CACNA1E: variants seen among roughly 807,000 people sequenced by gnomAD.
The protein encoded by CACNA1E is voltage-dependent R-type calcium channel subunit alpha-1E.
CACNA1E carries 40 observed loss-of-function variants against 259.2 expected under a neutral mutation model. The observed-to-expected ratio is 0.15, with a 90% CI of 0.12 to 0.20. The LOEUF (loss-of-function observed/expected upper bound fraction) is 0.20, where lower values mean the gene tolerates loss of function less well. Ranked by LOEUF, CACNA1E falls within the 10% of genes least tolerant of loss-of-function variation. The pLI, the probability that CACNA1E is intolerant of heterozygous loss-of-function variation, is 1.00. For synonymous variants in CACNA1E, 1,104 were observed against 1,138.5 expected (o/e 0.97, Z 0.61); for missense variants, 1,874 against 3,040.1 (o/e 0.62, Z 9.02).
intron 3 of CACNA1E, among the ~76,000 whole-genome samples, chr1:181,532,142 C>T (rs1009243761): frequency 2.6e-5 from 4 of 152,300 alleles, no homozygotes; most frequent in Admixed American, 2.6e-4. Context: ...GTGTGTTTCT[C>T]CCTTCCTGTT....
chr1:181,704,116 G>C (rs917220196), intron 7 of CACNA1E, among the ~76,000 whole-genome samples: 3 of 152,040 alleles, frequency 2.0e-5, no homozygotes, highest in Non-Finnish European at 4.4e-5. Context: ...CTTCTGTTTT[G>C]GCCTTTATTG....
At chr1:181,444,562 T>C (rs1204596645) in intron 2 of CACNA1E, among the ~76,000 whole-genome samples, 7 of 152,060 alleles carry the variant, frequency 4.6e-5, no homozygotes, top group African/African-American at 1.7e-4. Flanking sequence ...TAGAGTAAGA[T>C]GGAGAATTCT....
intron 1 of CACNA1E, among the ~76,000 whole-genome samples, chr1:181,508,023 AC>A (rs1453739830): frequency 6.6e-6 from 1 of 151,764 alleles, no homozygotes; most frequent in Non-Finnish European, 1.5e-5. Flanking sequence ...TGGCAGACAG[AC>A]CCCCACTTTG....
At chr1:181,490,486 C>A (rs971950819) in intron 1 of CACNA1E, among the ~76,000 whole-genome samples, 1 of 150,824 alleles carries the variant, frequency 6.6e-6, no homozygotes, top group African/African-American at 2.4e-5. Context: ...GCTCCAGCCA[C>A]GCTCCAGCCA....
chr1:181,743,815 T>C (rs1656807709), intron 25 of CACNA1E, among the ~76,000 whole-genome samples: 1 of 152,228 alleles, frequency 6.6e-6, no homozygotes, highest in Non-Finnish European at 1.5e-5. Flanking sequence ...GGATTCTAAG[T>C]AGTCATCTCA....
At chr1:181,666,575 A>C (rs1302874464) in intron 7 of CACNA1E, among the ~76,000 whole-genome samples, 1 of 152,140 alleles carries the variant, frequency 6.6e-6, no homozygotes, top group Non-Finnish European at 1.5e-5. Flanking sequence ...TGAAAATGTA[A>C]ATGTATAAGA....
At chr1:181,498,041 T>C (rs139903694) in intron 1 of CACNA1E, among the ~76,000 whole-genome samples, 20 of 152,324 alleles carry the variant, frequency 1.3e-4, no homozygotes, top group African/African-American at 3.6e-4. Flanking sequence ...GAAATGCCAG[T>C]TCCCCTTTCA....
At chr1:181,391,943 CTCTGTGTGTGTGTG>C (rs1471013125) in intron 1 of CACNA1E, among the ~76,000 whole-genome samples, 2 of 125,130 alleles carry the variant, frequency 1.6e-5, no homozygotes, top group East Asian at 2.3e-4. Context: ...CTCTCTCTCT[CTCTGTGTGTGTGTG>C]TGTGTGTGTG....
intron 7 of CACNA1E, among the ~76,000 whole-genome samples, chr1:181,709,878 T>G (rs1199940476): frequency 6.6e-6 from 1 of 152,190 alleles, no homozygotes; most frequent in African/African-American, 2.4e-5. Flanking sequence ...TGGGAGGCAC[T>G]GCACTGGTAA....
At chr1:181,740,020 C>A (rs1385019640) in intron 25 of CACNA1E, among the ~76,000 whole-genome samples, 2 of 152,154 alleles carry the variant, frequency 1.3e-5, no homozygotes, top group Non-Finnish European at 2.9e-5. Context: ...GCTTTCAGGG[C>A]CTTTTTCCTA....
intron 25 of CACNA1E, among the ~76,000 whole-genome samples, chr1:181,741,406 G>A (rs1460467019): frequency 6.6e-6 from 1 of 152,200 alleles, no homozygotes; most frequent in Non-Finnish European, 1.5e-5. Context: ...GATGTAGTGT[G>A]AACAGTCAAT....
In CACNA1E at chr1:181,429,082, T is replaced by C. The variant is rs146442407; in HGVS notation, c.434+15502T>C. On this transcript the variant is annotated intron_variant, in intron 2 of 11. Transcript: ENST00000524607. The stretch of plus-strand genomic sequence containing the variant: ...CTGTAATCCCAGCTATTTGGGAGGC[T>C]GAGGCAAGAGAATCGCTTGAACCTG... Among the ~76,000 whole-genome samples the C allele has an allele frequency of 5.2e-4, 79 of 152,110 alleles. No homozygotes were observed. In the East Asian group the frequency reaches 0.014, roughly 26 times the overall value.
chr1:181,365,324 C>A (rs1458762321), intron 1 of CACNA1E, among the ~76,000 whole-genome samples: 1 of 152,238 alleles, frequency 6.6e-6, no homozygotes, highest in African/African-American at 2.4e-5. Context: ...TGTACAACCA[C>A]ACCTCGCTAA....
At chr1:181,417,836 C>T (rs531908231) in intron 2 of CACNA1E, among the ~76,000 whole-genome samples, 3 of 152,158 alleles carry the variant, frequency 2.0e-5, no homozygotes, top group Admixed American at 6.6e-5. Flanking sequence ...CTGCACTGAC[C>T]GCCTGCTGCA....
intron 6 of CACNA1E, among the ~76,000 whole-genome samples, chr1:181,645,552 G>A (rs901290550): frequency 7.9e-5 from 12 of 152,006 alleles, no homozygotes; most frequent in African/African-American, 2.2e-4. Context: ...CTGTCTCAGC[G>A]AAGGTAGTTT....
chr1:181,673,559 G>C (rs887689873), intron 7 of CACNA1E, among the ~76,000 whole-genome samples: 1 of 152,176 alleles, frequency 6.6e-6, no homozygotes, highest in Non-Finnish European at 1.5e-5. Flanking sequence ...CTTTTCCAAG[G>C]TGAGTGAGTT....
In CACNA1E at chr1:181,732,141, C is replaced by T. The variant is rs952846805; in HGVS notation, c.2298-243C>T. On this transcript the variant is annotated intron_variant, in intron 19 of 47. Coordinates refer to ENST00000367573, the MANE Select transcript of CACNA1E (RefSeq NM_001205293.3). This position sits in a 1 kb window ranked among gnomAD's most constrained non-coding sequence, Gnocchi z 5.5. ...CTCCCAGGGTTGATGCCTACCCAGC[C>T]CTCAGCTACTACAAAGCAGGGATTG... 3.9e-5 allele frequency among the ~76,000 whole-genome samples: 6 copies of T among 152,046 alleles called. No individual in the cohort carries two copies. Among genetic ancestry groups the T allele is most frequent in the Admixed American group, 1.3e-4 (2 of 15,264 alleles).
chr1:181,571,077 T>G lies in CACNA1E; in HGVS notation c.513-6689T>G, dbSNP rs144193047. On this transcript the variant is annotated intron_variant, in intron 3 of 47. Coordinates refer to ENST00000367573, the MANE Select transcript of CACNA1E (RefSeq NM_001205293.3). ...TTTCTGTTGTTTATGACCAGGAACCTCCATGGTAAATCAGTGCTATGTGCA... is the reference window on the plus strand; with the variant it reads ...TTTCTGTTGTTTATGACCAGGAACCGCCATGGTAAATCAGTGCTATGTGCA... Among the ~76,000 whole-genome samples, 945 of 152,350 alleles carry G rather than the reference T, an allele frequency of 6.2e-3. 5 individuals carry two copies. The highest frequency in any genetic ancestry group is 0.013 in the South Asian group (61 of 4,832).
chr1:181,703,228 A>G (rs993720830), intron 7 of CACNA1E, among the ~76,000 whole-genome samples: 2 of 152,254 alleles, frequency 1.3e-5, no homozygotes, highest in African/African-American at 2.4e-5. Context: ...GTATTATGAT[A>G]CATTCTCAGA....
Sources: gnomAD v4.1 joint callset for allele counts (sites outside exome capture counted in the v4.1 genomes callset) on GRCh38, gnomAD v4.1.1 for gene constraint, Gnocchi (gnomAD v3.1) non-coding constraint, MANE v1.5 for transcripts, NCBI Gene and HGNC (gene_info 2026-07-23, HGNC 2026-07-21) for gene names.